The following PAPPA variants were observed in gnomAD, a reference collection of about 807,000 sequenced individuals.
The protein encoded by PAPPA is pappalysin 1.
In PAPPA, 60 loss-of-function variants were observed where a neutral mutation model predicts 164.0. The observed-to-expected ratio is 0.37, with a 90% CI of 0.30 to 0.45. PAPPA has a LOEUF of 0.45. Ranked by LOEUF, PAPPA falls within the 20% of genes least tolerant of loss-of-function variation. The pLI is 1.00. For missense variants in PAPPA, 1,782 were observed against 2,087.3 expected (o/e 0.85, Z 2.85); for synonymous variants, 875 against 814.1 (o/e 1.07, Z -1.27).
chr9:116,161,916 C>T (rs531081084), intron 1 of PAPPA, among the ~76,000 whole-genome samples: 3 of 152,208 alleles, frequency 2.0e-5, no homozygotes, highest in Admixed American at 6.5e-5. Context: ...CAGTTCCCTG[C>T]GTGTTCTGTG....
intron 10 of PAPPA, among the ~76,000 whole-genome samples, chr9:116,321,106 C>T (rs1379312165): frequency 4.0e-5 from 6 of 151,876 alleles, no homozygotes; most frequent in African/African-American, 1.2e-4. Flanking sequence ...CGGCTCACTG[C>T]AGGCTCCACC....
chr9:116,395,063 G>T (rs1360656955), intron 21 of PAPPA, among the ~76,000 whole-genome samples: 3 of 152,172 alleles, frequency 2.0e-5, no homozygotes, highest in Non-Finnish European at 4.4e-5. Context: ...ACTGTGTGAG[G>T]TGTTTTCATG....
chr9:116,175,288 A>G (rs1248050401), intron 1 of PAPPA, among the ~76,000 whole-genome samples: 3 of 152,176 alleles, frequency 2.0e-5, no homozygotes, highest in African/African-American at 7.2e-5. Context: ...ATTTTGTTAG[A>G]CAGCAGGAAT....
chr9:116,361,218 A>G (rs1846422431), intron 17 of PAPPA, among the ~76,000 whole-genome samples: 1 of 152,174 alleles, frequency 6.6e-6, no homozygotes, highest in Non-Finnish European at 1.5e-5. Flanking sequence ...AAATTTTTGC[A>G]TTGGTGGAGC....
At chr9:116,319,605 G>C (rs1845829176) in intron 10 of PAPPA, among the ~76,000 whole-genome samples, 1 of 152,168 alleles carries the variant, frequency 6.6e-6, no homozygotes, top group African/African-American at 2.4e-5. Context: ...GAAGCATTTG[G>C]ATATTTATCA....
At chr9:116,306,649 C>T (rs989487099) in intron 10 of PAPPA, among the ~76,000 whole-genome samples, 1 of 152,234 alleles carries the variant, frequency 6.6e-6, no homozygotes, top group African/African-American at 2.4e-5. Context: ...ATCAAGTTAT[C>T]TCTCTTCTGG....
intron 1 of PAPPA, among the ~76,000 whole-genome samples, chr9:116,183,784 G>A (rs994750717): frequency 6.6e-6 from 1 of 152,086 alleles, no homozygotes; most frequent in Admixed American, 6.6e-5. Context: ...CCATGGCTAA[G>A]CCACCCCTTA....
intron 21 of PAPPA, among the ~76,000 whole-genome samples, chr9:116,388,573 A>T (rs1054083991): frequency 2.6e-5 from 4 of 152,144 alleles, no homozygotes. Flanking sequence ...GTGACTTATT[A>T]ACTCTGTGAC....
rs776442634 is a variant in PAPPA at position 116,396,511 on chromosome 9, C to G, written c.4779C>G (p.Val1593=). ...CCTSTVKTKK[V]TPFPMSCDLQ... The stretch of plus-strand genomic sequence containing the variant: ...TGATTCACTTCTTCTTTCTGCAGGT[C>G]ACCCCATTCCCTATGTCCTGTGATC... The change falls in exon 22 of 22, where the codon GTC becomes GTG. Residue 1593 remains valine, a splice_region_variant and synonymous_variant. Coordinates refer to ENST00000328252, the MANE Select transcript of PAPPA (RefSeq NM_002581.5). 6 of 780,554 alleles carry G rather than the reference C, an allele frequency of 7.7e-6. No homozygotes were observed. Among genetic ancestry groups the G allele is most frequent in the Middle Eastern group, 2.3e-4 (1 of 4,430 alleles). 48.4% of individuals were successfully genotyped at this position (780,554 alleles called of 1,614,324 possible).
At position 116,187,087 on chromosome 9, in the gene PAPPA, A is replaced by G; in HGVS notation, c.416-67A>G. On this transcript the variant is annotated intron_variant, in intron 1 of 21. Coordinates refer to ENST00000328252, the MANE Select transcript of PAPPA (RefSeq NM_002581.5). This position sits in a 1 kb window ranked among gnomAD's most constrained non-coding sequence, Gnocchi z 4.2. ...ACCTGATACAAATTTTATTAGAGAA[A>G]AATAACTTAACCCCCCCTCCTTTTC... 1 of 1,170,866 alleles carries G rather than the reference A, an allele frequency of 8.5e-7. No individual in the cohort carries two copies. The allele number at this position is 1,170,866 out of a possible 1,614,324, so 72.5% of individuals were successfully genotyped here.
At chr9:116,196,904 T>A (rs1564180416) in intron 2 of PAPPA, among the ~76,000 whole-genome samples, 1 of 152,324 alleles carries the variant, frequency 6.6e-6, no homozygotes, top group East Asian at 1.9e-4. Context: ...AGCCTTGAAC[T>A]TGACTTCTAA....
At chr9:116,374,845 G>C (rs1291224393) in intron 19 of PAPPA, among the ~76,000 whole-genome samples, 2 of 152,246 alleles carry the variant, frequency 1.3e-5, no homozygotes, top group African/African-American at 2.4e-5. Context: ...GAAAGCAGGT[G>C]ATCCTCTTCA....
At chr9:116,389,044 C>T (rs1418158015) in intron 21 of PAPPA, among the ~76,000 whole-genome samples, 1 of 151,882 alleles carries the variant, frequency 6.6e-6, no homozygotes, top group Non-Finnish European at 1.5e-5. Flanking sequence ...GGGTGATAAC[C>T]TACATTGACA....
At chr9:116,184,113 T>C (rs1251207218) in intron 1 of PAPPA, among the ~76,000 whole-genome samples, 1 of 152,058 alleles carries the variant, frequency 6.6e-6, no homozygotes, top group Non-Finnish European at 1.5e-5. Context: ...TCATGAGGGA[T>C]AGGGTTAGCT....
chr9:116,194,276 T>C (rs998506870), intron 2 of PAPPA, among the ~76,000 whole-genome samples: 1 of 152,148 alleles, frequency 6.6e-6, no homozygotes, highest in African/African-American at 2.4e-5. Flanking sequence ...AATAATAGTA[T>C]CTGACTGCCT....
chr9:116,268,321 C>A (rs974184502), intron 8 of PAPPA, among the ~76,000 whole-genome samples: 2 of 152,238 alleles, frequency 1.3e-5, no homozygotes, highest in Non-Finnish European at 2.9e-5. Context: ...AAACTTCTCA[C>A]TGTTCTCTCC....
chr9:116,269,013 G>C (rs945726636), intron 8 of PAPPA, among the ~76,000 whole-genome samples: 1 of 152,162 alleles, frequency 6.6e-6, no homozygotes, highest in African/African-American at 2.4e-5. Context: ...GATGAGTGCT[G>C]TCTTAAATGA....
At chr9:116,156,404 A>G (rs1014331648) in intron 1 of PAPPA, among the ~76,000 whole-genome samples, 1 of 149,788 alleles carries the variant, frequency 6.7e-6, no homozygotes, top group East Asian at 1.9e-4. Flanking sequence ...ATAAATGTCT[A>G]TAATTCAGAC....
chr9:116,314,255 G>A (rs1167749066), intron 10 of PAPPA, among the ~76,000 whole-genome samples: 5 of 151,432 alleles, frequency 3.3e-5, no homozygotes, highest in African/African-American at 9.7e-5. Flanking sequence ...ATTTTTAGTA[G>A]AGACAGGGTT....
Sources: gnomAD v4.1 joint callset for allele counts (sites outside exome capture counted in the v4.1 genomes callset) on GRCh38, gnomAD v4.1.1 for gene constraint, Gnocchi (gnomAD v3.1) non-coding constraint, MANE v1.5 for transcripts, NCBI Gene and HGNC (gene_info 2026-07-23, HGNC 2026-07-21) for gene names.